Variants in OSBPL10 observed in about 807,000 individuals in gnomAD.
The protein encoded by OSBPL10 is oxysterol binding protein like 10.
A neutral mutation model predicts 81.7 loss-of-function variants in OSBPL10; 49 were observed. The observed-to-expected ratio is 0.60, with a 90% CI of 0.48 to 0.76. The LOEUF is 0.76. Ranked by LOEUF, OSBPL10 falls within the 30% of genes least tolerant of loss-of-function variation. The pLI is 0.00. For missense variants in OSBPL10, 923 were observed against 987.8 expected, an observed-to-expected ratio of 0.93 and a Z score of 0.88; for synonymous variants, 419 against 383.6, an observed-to-expected ratio of 1.09 and a Z score of -1.08.
chr3:31,809,888 T>TTTTTTTTTTTTTTTTTTTTTTTTTG (rs1699630861), intron 4 of OSBPL10, among the ~76,000 whole-genome samples: 1 of 149,104 alleles, frequency 6.7e-6, no homozygotes, highest in Non-Finnish European at 1.5e-5. Context: ...TTTTTTTTTT[T>TTTTTTTTTTTTTTTTTTTTTTTTTG]GAGATGGAGT....
chr3:31,703,535 CATCTT>C (rs1225328815), intron 6 of OSBPL10: 1 of 152,176 alleles, frequency 6.6e-6, no homozygotes, highest in Non-Finnish European at 1.5e-5. Context: ...TAGACAGAAT[CATCTT>C]ATATCTACAG....
intron 4 of OSBPL10, among the ~76,000 whole-genome samples, chr3:31,757,139 T>G (rs1301683071): frequency 1.3e-5 from 2 of 152,214 alleles, no homozygotes; most frequent in Non-Finnish European, 1.5e-5. Context: ...GAAAATATAT[T>G]TTTATGATTG....
intron 2 of OSBPL10, among the ~76,000 whole-genome samples, chr3:32,016,426 TC>T (rs1328148647): frequency 1.3e-5 from 2 of 151,864 alleles, no homozygotes; most frequent in Non-Finnish European, 2.9e-5. Context: ...AAGGGGAACA[TC>T]ACACACTGGG....
intron 5 of OSBPL10, among the ~76,000 whole-genome samples, chr3:31,737,114 G>A (rs1697199164): frequency 1.3e-5 from 2 of 152,146 alleles, no homozygotes; most frequent in South Asian, 2.1e-4. Context: ...GACAGGACAA[G>A]GAAAGTTGGC....
intron 6 of OSBPL10, among the ~76,000 whole-genome samples, chr3:31,721,223 G>T (rs111322383): frequency 2.2e-4 from 34 of 152,304 alleles, no homozygotes; most frequent in African/African-American, 8.2e-4. Context: ...ACCCTAGAGC[G>T]TTCAGAAAGC....
chr3:31,889,979 G>A (rs1339416317), intron 1 of OSBPL10, among the ~76,000 whole-genome samples: 1 of 151,886 alleles, frequency 6.6e-6, no homozygotes, highest in East Asian at 1.9e-4. Flanking sequence ...TGGTCCAGTT[G>A]CTCTCTGCTT....
intron 3 of OSBPL10, among the ~76,000 whole-genome samples, chr3:31,838,896 A>T (rs1250452545): frequency 6.6e-6 from 1 of 152,188 alleles, no homozygotes; most frequent in Non-Finnish European, 1.5e-5. Flanking sequence ...CAGTATGTAT[A>T]CAGATGTCAA....
chr3:31,938,423 A>G (rs969097984), intron 1 of OSBPL10, among the ~76,000 whole-genome samples: 4 of 152,226 alleles, frequency 2.6e-5, no homozygotes, highest in Admixed American at 2.6e-4. Context: ...TAACAGATTC[A>G]GGGGCTCCAT....
chr3:31,740,372 A>G (rs1484291214), intron 5 of OSBPL10, among the ~76,000 whole-genome samples: 2 of 152,204 alleles, frequency 1.3e-5, no homozygotes, highest in Non-Finnish European at 1.5e-5. Context: ...GCATGGTTAC[A>G]TAACTGAATA....
At chr3:31,722,452 T>C (rs1161011385) in intron 6 of OSBPL10, among the ~76,000 whole-genome samples, 1 of 152,170 alleles carries the variant, frequency 6.6e-6, no homozygotes, top group Non-Finnish European at 1.5e-5. Context: ...TTTCCCATTA[T>C]GGGAATTTCT....
At chr3:31,858,249 T>C (rs758430572) in intron 3 of OSBPL10, among the ~76,000 whole-genome samples, 1 of 152,058 alleles carries the variant, frequency 6.6e-6, no homozygotes, top group Admixed American at 6.6e-5. Flanking sequence ...AATCCTCCCA[T>C]GTCAGCCTTC....
At chr3:31,701,316 T>G (rs1695887475) in intron 7 of OSBPL10, among the ~76,000 whole-genome samples, 1 of 152,130 alleles carries the variant, frequency 6.6e-6, no homozygotes, top group Admixed American at 6.5e-5. Context: ...GGCTCTGACA[T>G]CCATATTTTT....
intron 1 of OSBPL10, among the ~76,000 whole-genome samples, chr3:31,900,659 C>T (rs1168938803): frequency 6.6e-6 from 1 of 152,188 alleles, no homozygotes; most frequent in Non-Finnish European, 1.5e-5. Context: ...TTATTTTGTA[C>T]TTTTGCCATT....
At chr3:32,048,638 T>C (rs976908927) in intron 1 of OSBPL10, among the ~76,000 whole-genome samples, 1 of 151,892 alleles carries the variant, frequency 6.6e-6, no homozygotes, top group Non-Finnish European at 1.5e-5. Context: ...AGACTAGCTG[T>C]TTTTTTTCTC....
intron 4 of OSBPL10, among the ~76,000 whole-genome samples, chr3:31,799,919 A>T (rs1377945062): frequency 6.6e-6 from 1 of 152,180 alleles, no homozygotes; most frequent in Non-Finnish European, 1.5e-5. Context: ...AATATTGGCC[A>T]GGCTGGTCTC....
chr3:31,850,111 G>A (rs1204059884), intron 3 of OSBPL10, among the ~76,000 whole-genome samples: 3 of 152,144 alleles, frequency 2.0e-5, no homozygotes, highest in African/African-American at 7.2e-5. Context: ...GTTGCAGTGA[G>A]CCGAGGTCAC....
intron 1 of OSBPL10, among the ~76,000 whole-genome samples, chr3:31,965,719 A>AAT (rs1553644523): frequency 3.2e-5 from 2 of 61,878 alleles, no homozygotes; most frequent in South Asian, 1.1e-3. Context: ...TAAAATATAT[A>AAT]ATATAATATA....
intron 4 of OSBPL10, among the ~76,000 whole-genome samples, chr3:31,824,383 G>A (rs369519024): frequency 2.0e-5 from 3 of 152,136 alleles, no homozygotes; most frequent in Non-Finnish European, 2.9e-5. Flanking sequence ...GCGCCTTGAC[G>A]TGAGTCTCTA....
chr3:31,935,595 C>T (rs1697363356), intron 1 of OSBPL10, among the ~76,000 whole-genome samples: 1 of 151,284 alleles, frequency 6.6e-6, no homozygotes, highest in African/African-American at 2.4e-5. Context: ...ATGATCTTGG[C>T]TCACTGCAAC....
Sources: allele counts gnomAD v4.1 joint callset (sites outside exome capture counted in the v4.1 genomes callset), GRCh38; gene constraint gnomAD v4.1.1; transcripts MANE v1.5; gene names NCBI Gene and HGNC (gene_info 2026-07-23, HGNC 2026-07-21).